Variants in ZNF510 observed in about 807,000 individuals in gnomAD.
ZNF510 encodes zinc finger protein 510.
Under a neutral mutation model 18.1 loss-of-function variants are expected in ZNF510, and 15 were observed. The observed-to-expected ratio is 0.83, with a 90% CI of 0.55 to 1.28. The LOEUF (loss-of-function observed/expected upper bound fraction) is 1.28. Among genes scored for constraint, ZNF510 ranks in the 50% most tolerant of loss-of-function variants. The pLI is 0.00. For synonymous variants in ZNF510, 261 were observed against 266.4 expected, an observed-to-expected ratio of 0.98 and a Z score of 0.20; for missense variants, 724 against 791.8, an observed-to-expected ratio of 0.91 and a Z score of 1.03.
intron 5 of ZNF510, 61 bp downstream of exon 5, chr9:96,763,056 TA>T (rs1461057330): frequency 7.0e-7 from 1 of 1,424,858 alleles, no homozygotes; most frequent in East Asian, 2.3e-5. Context: ...TGTTCACCCC[TA>T]AAGTGACCTG....
chr9:96,759,127 C>T lies in ZNF510; in HGVS notation c.1703G>A (p.Gly568Glu). 1 of 1,614,100 alleles carries T rather than the reference C, an allele frequency of 6.2e-7. No individual in the cohort carries two copies. Among genetic ancestry groups the T allele is most frequent in the East Asian group, 2.2e-5 (1 of 44,882 alleles). ...TTCGTTACATTTGAATGGTTTCTCT[C>T]CCGTGTGAGTTTTCTGATGTTGAAT... ...HLIQHQKTHT[G>E]EKPFKCNECG... is the part of the protein sequence containing the mutation. The change falls in exon 6 of 6, where the codon GGA (glycine) becomes GAA (glutamate). Residue 568 changes from glycine to glutamate, a missense_variant. Physicochemically the swap from Gly to Glu is moderately conservative, Grantham distance 98 (BLOSUM62 -2). Transcript: ENST00000223428.
Position 96,763,103 on chromosome 9 carries a change from TG to T in ZNF510, c.352+14del, listed in dbSNP as rs1425830851. 6.2e-7 allele frequency: 1 copy of T among 1,611,002 alleles called. No homozygotes were observed. The highest frequency in any genetic ancestry group is 1.7e-5 in the Admixed American group (1 of 60,012). On this transcript the variant is annotated intron_variant, in intron 5 of 5. Transcript: ENST00000223428. ...ACTCCTGCAGAATTATGTCTACTAC[TG>T]CTCAGTAACTCACTTGGGTGACTCT...
At position 96,776,069 on chromosome 9, in the gene ZNF510, TCAC is replaced by T; in HGVS notation, c.-3_-1del. On this transcript the variant is annotated 5_prime_UTR_variant, in exon 2 of 6. Transcript: ENST00000223428. Reference sequence around the variant, plus strand: ...GTGATGGCTTCTGGATGTGGCGACATCACCAAGTCTGGTGCTCTCTGGGCAAGG... The same window carrying T: ...GTGATGGCTTCTGGATGTGGCGACATCAAGTCTGGTGCTCTCTGGGCAAGG... 6.2e-7 allele frequency: 1 copy of T among 1,601,558 alleles called. No individual in the cohort carries two copies.
At chr9:96,773,896 A>G (rs746406496) in intron 3 of ZNF510, among the ~76,000 whole-genome samples, 2 of 152,160 alleles carry the variant, frequency 1.3e-5, no homozygotes, top group Non-Finnish European at 2.9e-5. Context: ...TCTTGATCTC[A>G]GACTTCACCC....
At chr9:96,772,648 C>A (rs1052276544) in intron 3 of ZNF510, among the ~76,000 whole-genome samples, 5 of 151,984 alleles carry the variant, frequency 3.3e-5, no homozygotes, top group Non-Finnish European at 7.4e-5. Flanking sequence ...TTAGTATTTA[C>A]CATAGAAAAG....
rs1007636673 is a variant in ZNF510, at chr9:96,756,184, T to A, written c.*2594A>T. The A allele has an allele frequency of 6.6e-6, 1 of 152,220 alleles. No individual in the cohort carries two copies. Among genetic ancestry groups the A allele is most frequent in the African/African-American group, 2.4e-5 (1 of 41,454 alleles). The allele number at this position is 152,220 out of a possible 1,614,324, so 9.4% of individuals were successfully genotyped here. Reference sequence around the variant, plus strand: ...ATTTCCAATTAGAATATCAAATATCTAGGCCACATCCAGAGCCAAGGCTTA... The same window carrying A: ...ATTTCCAATTAGAATATCAAATATCAAGGCCACATCCAGAGCCAAGGCTTA... On this transcript the variant is annotated 3_prime_UTR_variant, in exon 6 of 6. Transcript: ENST00000223428.
chr9:96,758,858 A>C lies in ZNF510; in HGVS notation c.1972T>G (p.Cys658Gly). ...TTACATAATTTCCCATATTCATTGC[A>C]TTCATAAGATTTCTCCCCACTGTGA... The part of the protein sequence containing the change: ...RTHSGEKSYE[C>G]NEYGKLCKKS... Residue 658 changes from cysteine to glycine, a missense_variant, in exon 6 of 6, where the codon TGC becomes GGC. Coordinates refer to ENST00000223428, the MANE Select transcript of ZNF510 (RefSeq NM_014930.3). The C allele has an allele frequency of 6.2e-7, 1 of 1,613,958 alleles. No individual in the cohort carries two copies. The highest frequency in any genetic ancestry group is 8.5e-7 in the Non-Finnish European group (1 of 1,179,926).
In ZNF510 at chr9:96,755,797, ACTGG is replaced by A. The variant is rs1264699558; in HGVS notation, c.*2977_*2980del. 2 of 152,230 alleles carry A rather than the reference ACTGG, an allele frequency of 1.3e-5. No individual in the cohort carries two copies. The highest frequency in any genetic ancestry group is 2.9e-5 in the Non-Finnish European group (2 of 68,036). 9.4% of individuals were successfully genotyped at this position (152,230 alleles called of 1,614,324 possible). On this transcript the variant is annotated 3_prime_UTR_variant, in exon 6 of 6. Transcript: ENST00000223428. Reference sequence around the variant, plus strand: ...TGAATTAATCAATGGCATATGAAGTACTGGCTATTTATCCAGAAGGAAAAAAGTT... The same window carrying A: ...TGAATTAATCAATGGCATATGAAGTACTATTTATCCAGAAGGAAAAAAGTT...
chr9:96,760,043 A>G lies in ZNF510; in HGVS notation c.787T>C (p.Phe263Leu). 1.9e-6 allele frequency: 3 copies of G among 1,612,120 alleles called. No homozygotes were observed. Among genetic ancestry groups the G allele is most frequent in the South Asian group, 2.2e-5 (2 of 90,810 alleles). The change falls in exon 6 of 6, where the codon TTT becomes CTT. Residue 263 changes from phenylalanine (F) to leucine (L), a missense_variant. Transcript: ENST00000223428. ...AFECNKIGKA[F>L]NDKANCVKHN... ...TTAACACAGTTAGCCTTATCATTAA[A>G]GGCTTTTCCAATTTTATTACATTCA...
At position 96,759,654 on chromosome 9, in the gene ZNF510, TCTGTGAACCGA is replaced by T. The variant is rs1382452121; in HGVS notation, c.1165_1175del (p.Val390SerfsTer12). 1.4e-5 allele frequency: 23 copies of T among 1,613,560 alleles called. No individual in the cohort carries two copies. The highest frequency in any genetic ancestry group is 1.9e-5 in the Non-Finnish European group (22 of 1,179,974). ...TCATTGAGTGACTTCTTCGGCGAAC[TCTGTGAACCGA>T]CGTCTGGTAGGATTTCTTATTTTCA... On this transcript the variant is annotated frameshift_variant, in exon 6 of 6. Coordinates refer to ENST00000223428, the MANE Select transcript of ZNF510 (RefSeq NM_014930.3). LOFTEE classifies it low-confidence loss of function (END_TRUNC).
At chr9:96,772,790 G>A (rs1437868779) in intron 3 of ZNF510, among the ~76,000 whole-genome samples, 1 of 152,188 alleles carries the variant, frequency 6.6e-6, no homozygotes, top group African/African-American at 2.4e-5. Context: ...AAACTGATTT[G>A]ACCACTTAGG....
intron 3 of ZNF510, among the ~76,000 whole-genome samples, chr9:96,765,885 T>A (rs1384071224): frequency 1.3e-5 from 2 of 152,172 alleles, no homozygotes; most frequent in Non-Finnish European, 2.9e-5. Context: ...GCAAGAAGCC[T>A]GTGGTATGGC....
At chr9:96,761,243 G>C (rs953453529) in intron 5 of ZNF510, among the ~76,000 whole-genome samples, 4 of 152,096 alleles carry the variant, frequency 2.6e-5, no homozygotes, top group African/African-American at 9.7e-5. Context: ...ATCCCATCCT[G>C]AGTTTCCACA....
intron 3 of ZNF510, among the ~76,000 whole-genome samples, chr9:96,764,566 T>C (rs1849427030): frequency 6.6e-6 from 1 of 152,228 alleles, no homozygotes; most frequent in Non-Finnish European, 1.5e-5. Context: ...AGAGACCTTA[T>C]GATTGTCAAA....
rs1223488988 is a variant in ZNF510, at chr9:96,759,503, G to A, written c.1327C>T (p.Gln443Ter). Reference sequence around the variant, plus strand: ...TGATGAGTACTGAGGTGTGACTTCTGGGAGAAAGTTTTTCCACATTCACTA... The same window carrying A: ...TGATGAGTACTGAGGTGTGACTTCTAGGAGAAAGTTTTTCCACATTCACTA... ...ECSECGKTFS[Q>*]KSHLSTHQRI... Residue 443 changes from glutamine (Q) to a stop codon, truncating the protein, a stop_gained, in exon 6 of 6, where the codon CAG becomes TAG. Transcript: ENST00000223428. LOFTEE classifies it low-confidence loss of function (END_TRUNC). The A allele has an allele frequency of 1.2e-6, 2 of 1,613,854 alleles. No individual in the cohort carries two copies. The highest frequency in any genetic ancestry group is 1.7e-6 in the Non-Finnish European group (2 of 1,179,934).
chr9:96,769,264 G>A (rs759776673), intron 3 of ZNF510, among the ~76,000 whole-genome samples: 1 of 151,876 alleles, frequency 6.6e-6, no homozygotes, highest in Non-Finnish European at 1.5e-5. Context: ...GTGAAACTCC[G>A]TCTCTACTGA....
In ZNF510 at chr9:96,775,773, A is replaced by C. The variant is rs1010801395; in HGVS notation, c.70+227T>G. ...GGTTCAGGATAGAGGCAACCTTAGT[A>C]AATTTCTAGATGCTACATGTGATGG... On this transcript the variant is annotated intron_variant, in intron 2 of 5. Transcript: ENST00000223428. 2.6e-5 allele frequency among the ~76,000 whole-genome samples: 4 copies of C among 152,224 alleles called. 1 individual carries two copies. The highest frequency in any genetic ancestry group is 5.9e-5 in the Non-Finnish European group (4 of 68,034).
rs1448542736 is a variant in ZNF510 at position 96,759,025 on chromosome 9, C to T, written c.1805G>A (p.Cys602Tyr). Reference protein sequence around the residue: ...RIHTGEKPFKCNECGKKFVRK... With the variant: ...RIHTGEKPFKYNECGKKFVRK... ...GACAAATTTCTTCCCACATTCATTA[C>T]ATTTAAATGGTTTCTCCCCAGTGTG... The change falls in exon 6 of 6, where the codon TGT becomes TAT. Residue 602 changes from cysteine (C) to tyrosine (Y), a missense_variant. Transcript: ENST00000223428. 1 of 1,613,918 alleles carries T rather than the reference C, an allele frequency of 6.2e-7. No individual in the cohort carries two copies. Among genetic ancestry groups the T allele is most frequent in the Non-Finnish European group, 8.5e-7 (1 of 1,179,948 alleles).
At chr9:96,762,438 G>A (rs549086913) in intron 5 of ZNF510, among the ~76,000 whole-genome samples, 1 of 151,136 alleles carries the variant, frequency 6.6e-6, no homozygotes, top group Non-Finnish European at 1.5e-5. Flanking sequence ...AAACCTGGGA[G>A]GTGGAGCTTG....
Sources: allele counts gnomAD v4.1 joint callset (sites outside exome capture counted in the v4.1 genomes callset), GRCh38; gene constraint gnomAD v4.1.1; transcripts MANE v1.5; gene names NCBI Gene and HGNC (gene_info 2026-07-23, HGNC 2026-07-21).